The following SNAP23 variants were observed in gnomAD, a reference collection of about 807,000 sequenced individuals.
SNAP23 encodes synaptosomal-associated protein 23.
Under a neutral mutation model 29.0 loss-of-function variants are expected in SNAP23, and 11 were observed. The ratio of observed to expected loss-of-function variants is 0.38; its 90% CI spans 0.24 to 0.63. The LOEUF is 0.63. Ranked by LOEUF, SNAP23 falls within the 20% of genes least tolerant of loss-of-function variation. SNAP23 has a pLI of 0.58. For missense variants in SNAP23, 220 were observed against 253.9 expected (o/e 0.87, Z 0.91); for synonymous variants, 60 against 82.9 (o/e 0.72, Z 1.50).
intron 5 of SNAP23, among the ~76,000 whole-genome samples, chr15:42,525,448 C>CTTTT (rs1566819532): frequency 1.4e-4 from 7 of 50,686 alleles, no homozygotes; most frequent in East Asian, 1.2e-3. Context: ...AAGATCCAGT[C>CTTTT]TTCTTTTTTT....
At position 42,531,558 on chromosome 15, in the gene SNAP23, T is replaced by A; in HGVS notation, c.*80T>A. On this transcript the variant is annotated 3_prime_UTR_variant, in exon 8 of 8. Transcript: ENST00000249647. ...GTTATTACCTTTTCAGAGTTTAAGT[T>A]TTCGGTTCCACGCTCTTCTAATTGG... 9.1e-7 allele frequency: 1 copy of A among 1,103,916 alleles called. No individual in the cohort carries two copies. The highest frequency in any genetic ancestry group is 2.5e-5 in the East Asian group (1 of 40,806). The allele number at this position is 1,103,916 out of a possible 1,614,324, so 68.4% of individuals were successfully genotyped here.
intron 5 of SNAP23, among the ~76,000 whole-genome samples, chr15:42,518,226 C>G (rs1204028868): frequency 6.6e-6 from 1 of 152,014 alleles, no homozygotes; most frequent in African/African-American, 2.4e-5. Context: ...TCATTCTTGC[C>G]TGTGTCTTGA....
chr15:42,517,262 T>C (rs1017375597), intron 5 of SNAP23, among the ~76,000 whole-genome samples: 2 of 152,250 alleles, frequency 1.3e-5, no homozygotes, highest in Non-Finnish European at 2.9e-5. Context: ...AATCAGAGTT[T>C]AGCAGATTAC....
intron 1 of SNAP23, among the ~76,000 whole-genome samples, chr15:42,510,683 C>T (rs1253044636): frequency 1.3e-5 from 2 of 152,160 alleles, no homozygotes; most frequent in Admixed American, 6.6e-5. Flanking sequence ...TCTCTGCCTT[C>T]CAAGAATTCA....
At chr15:42,518,833 T>C (rs1290023981) in intron 5 of SNAP23, among the ~76,000 whole-genome samples, 2 of 151,914 alleles carry the variant, frequency 1.3e-5, no homozygotes, top group Admixed American at 1.3e-4. Context: ...TTAGTCTTTA[T>C]TACTTGCTGT....
chr15:42,524,692 G>T (rs974185358), intron 5 of SNAP23, among the ~76,000 whole-genome samples: 5 of 152,214 alleles, frequency 3.3e-5, no homozygotes, highest in African/African-American at 1.2e-4. Context: ...GACTGCTGAG[G>T]TCACTCTGAT....
At chr15:42,514,391 C>T (rs574913162) in intron 4 of SNAP23, among the ~76,000 whole-genome samples, 11 of 152,162 alleles carry the variant, frequency 7.2e-5, no homozygotes, top group African/African-American at 2.2e-4. Flanking sequence ...TCACTTGATC[C>T]GCCCACGTCG....
At chr15:42,528,678 C>G (rs775804955) in intron 6 of SNAP23, among the ~76,000 whole-genome samples, 94 of 152,092 alleles carry the variant, frequency 6.2e-4, no homozygotes, top group Non-Finnish European at 1.2e-3. Context: ...CTCTGCCTCC[C>G]AGGTTCAAGT....
chr15:42,491,840 C>T (rs2057167636), upstream of SNAP23, among the ~76,000 whole-genome samples: 1 of 152,088 alleles, frequency 6.6e-6, no homozygotes, highest in African/African-American at 2.4e-5. Flanking sequence ...CCTTGGCCTT[C>T]CAAAGTTCTG....
chr15:42,495,745 G>A (rs1199102012), intron 1 of SNAP23, 32 bp downstream of exon 1: 1 of 152,688 alleles, frequency 6.5e-6, no homozygotes, highest in African/African-American at 2.4e-5. Flanking sequence ...GGAGGGAGCT[G>A]GCCGGGATGA....
intron 1 of SNAP23, among the ~76,000 whole-genome samples, chr15:42,508,441 C>T (rs975931288): frequency 2.0e-5 from 3 of 152,128 alleles, no homozygotes; most frequent in Non-Finnish European, 4.4e-5. Flanking sequence ...TGCTCAAAAC[C>T]CTCAAGAACA....
At position 42,503,561 on chromosome 15, in the gene SNAP23, G is replaced by C. The variant is rs188065759; in HGVS notation, c.-15+7848G>C. On this transcript the variant is annotated intron_variant, in intron 1 of 7. Transcript: ENST00000249647. ...ATTTTTGTATTTTTAGTAGAGACGGGGTTTTGCCGTGTTGGCCAGGCTGGT... is the reference window on the plus strand; with the variant it reads ...ATTTTTGTATTTTTAGTAGAGACGGCGTTTTGCCGTGTTGGCCAGGCTGGT... 4.3e-3 allele frequency among the ~76,000 whole-genome samples: 650 copies of C among 152,222 alleles called. 4 individuals carry two copies. Among genetic ancestry groups the C allele is most frequent in the African/African-American group, 0.015 (633 of 41,526 alleles).
At chr15:42,512,814 T>C (rs183164667) in intron 2 of SNAP23, 141 bp from the exon 3 acceptor site, 128 of 632,888 alleles carry the variant, frequency 2.0e-4, no homozygotes, top group Middle Eastern at 1.4e-3. Context: ...CCTCCCAAAG[T>C]GCTGGGATTA....
intron 1 of SNAP23, among the ~76,000 whole-genome samples, chr15:42,500,039 GA>G (rs1353985260): frequency 2.0e-5 from 3 of 152,194 alleles, no homozygotes; most frequent in Non-Finnish European, 4.4e-5. Context: ...CAGCTACTCA[GA>G]AGGCTGAGGT....
chr15:42,509,798 G>A (rs2057346144), intron 1 of SNAP23, among the ~76,000 whole-genome samples: 1 of 152,182 alleles, frequency 6.6e-6, no homozygotes, highest in Admixed American at 6.5e-5. Context: ...GCCAGGCACG[G>A]TGGCTCAGGC....
chr15:42,513,019 C>T, intron 3 of SNAP23, 23 bp downstream of exon 3: 4 of 1,570,160 alleles, frequency 2.5e-6, no homozygotes, highest in Non-Finnish European at 3.5e-6. Flanking sequence ...TAGTCATCAA[C>T]TTAAGTATAG....
chr15:42,517,268 ATTACT>A (rs1207154091), intron 5 of SNAP23, among the ~76,000 whole-genome samples: 7 of 152,340 alleles, frequency 4.6e-5, no homozygotes, highest in African/African-American at 1.4e-4. Flanking sequence ...AGTTTAGCAG[ATTACT>A]TTAAGCAAAC....
upstream of SNAP23, among the ~76,000 whole-genome samples, chr15:42,492,320 A>T (rs991256987): frequency 5.9e-5 from 9 of 152,152 alleles, no homozygotes; most frequent in Admixed American, 6.6e-5. Flanking sequence ...AATTATGTGG[A>T]GTGTCCCTCC....
chr15:42,531,546 C>A lies in SNAP23; in HGVS notation c.*68C>A. The A allele has an allele frequency of 7.7e-7, 1 of 1,294,294 alleles. No individual in the cohort carries two copies. The highest frequency in any genetic ancestry group is 1.3e-5 in the South Asian group (1 of 76,242). 80.2% of individuals were successfully genotyped at this position (1,294,294 alleles called of 1,614,324 possible). ...TCCTCCTTGAAAGTTATTACCTTTT[C>A]AGAGTTTAAGTTTTCGGTTCCACGC... is the stretch of plus-strand genomic sequence containing the variant. On this transcript the variant is annotated 3_prime_UTR_variant, in exon 8 of 8. Transcript: ENST00000249647.
Sources: allele counts gnomAD v4.1 joint callset (sites outside exome capture counted in the v4.1 genomes callset), GRCh38; gene constraint gnomAD v4.1.1; transcripts MANE v1.5; gene names NCBI Gene and HGNC (gene_info 2026-07-23, HGNC 2026-07-21).